GUCY1A2: variants seen among roughly 807,000 people sequenced by gnomAD.
The protein encoded by GUCY1A2 is guanylate cyclase soluble subunit alpha-2.
Under a neutral mutation model 63.5 loss-of-function variants are expected in GUCY1A2, and 27 were observed. The observed-to-expected ratio is 0.43, with a 90% CI of 0.31 to 0.59. The LOEUF is 0.59. Among genes scored for constraint, GUCY1A2 ranks in the 20% least tolerant of loss-of-function variants. The pLI is 0.11. For missense variants in GUCY1A2, 768 were observed against 913.3 expected (o/e 0.84, Z 2.05); for synonymous variants, 364 against 343.5 (o/e 1.06, Z -0.66).
intron 4 of GUCY1A2, among the ~76,000 whole-genome samples, chr11:106,854,552 G>A (rs141810875): frequency 4.0e-4 from 61 of 152,256 alleles, no homozygotes; most frequent in African/African-American, 1.3e-3. Flanking sequence ...CAGGCAAAGC[G>A]GGGTAGTACC....
rs994652758 is a variant in GUCY1A2, at chr11:106,680,610, C to A, written c.*6939G>T. 14 of 196,756 alleles carry A rather than the reference C, an allele frequency of 7.1e-5. No homozygotes were observed. The highest frequency in any genetic ancestry group is 1.4e-4 in the Non-Finnish European group (13 of 95,024). The allele number at this position is 196,756 out of a possible 1,614,324, so 12.2% of individuals were successfully genotyped here. A position where few individuals can be genotyped will look rare whatever the true frequency, so the allele number is the denominator to read the frequency against. ...TAAATATTTTCCATTATTTATTTAA[C>A]CCAAAACCATTCTTACTAAGGATTT... On this transcript the variant is annotated 3_prime_UTR_variant, in exon 8 of 8. Transcript: ENST00000526355.
intron 7 of GUCY1A2, among the ~76,000 whole-genome samples, chr11:106,699,651 A>G (rs918218454): frequency 2.6e-5 from 4 of 152,216 alleles, no homozygotes; most frequent in African/African-American, 7.2e-5. Flanking sequence ...TTCCCTTCAT[A>G]CTAGTTAGGA....
intron 6 of GUCY1A2, among the ~76,000 whole-genome samples, chr11:106,758,345 A>T (rs1378576357): frequency 6.6e-6 from 1 of 152,202 alleles, no homozygotes; most frequent in East Asian, 1.9e-4. Flanking sequence ...TTGCGAACAC[A>T]GTGGGAAAAG....
chr11:106,822,670 C>T (rs1482723823), intron 4 of GUCY1A2, among the ~76,000 whole-genome samples: 1 of 152,110 alleles, frequency 6.6e-6, no homozygotes, highest in South Asian at 2.1e-4. Context: ...TCCAGCTGAA[C>T]AATTTGAATA....
chr11:106,966,900 G>C (rs1337450352), intron 3 of GUCY1A2, among the ~76,000 whole-genome samples: 1 of 152,036 alleles, frequency 6.6e-6, no homozygotes, highest in East Asian at 1.9e-4. Context: ...TAAAATGTAA[G>C]ATTGAGAATA....
At position 106,969,701 on chromosome 11, in the gene GUCY1A2, G is replaced by A. The variant is rs573006006; in HGVS notation, c.487+8918C>T. On this transcript the variant is annotated intron_variant, in intron 3 of 7. Transcript: ENST00000526355. Reference sequence around the variant, plus strand: ...GGCCCACAATCATGTTTCTCACATAGTAAGGGAAGAATAATCTTCCTTCTA... The same window carrying A: ...GGCCCACAATCATGTTTCTCACATAATAAGGGAAGAATAATCTTCCTTCTA... 3.9e-4 allele frequency among the ~76,000 whole-genome samples: 59 copies of A among 152,310 alleles called. 1 individual carries two copies. The South Asian group carries it at 0.012, about 31-fold the overall frequency.
At chr11:106,984,884 C>T (rs1861381855) in intron 2 of GUCY1A2, among the ~76,000 whole-genome samples, 1 of 152,106 alleles carries the variant, frequency 6.6e-6, no homozygotes. Context: ...AAACTAAAAG[C>T]CATCTCATGA....
intron 6 of GUCY1A2, among the ~76,000 whole-genome samples, chr11:106,726,789 TAAC>T (rs1007344543): frequency 2.6e-5 from 4 of 152,152 alleles, no homozygotes; most frequent in African/African-American, 9.7e-5. Flanking sequence ...AAAGGAAAAT[TAAC>T]AAGTTCCCTT....
rs139570395 is a variant in GUCY1A2 at position 106,963,547 on chromosome 11, A to T, written c.487+15072T>A. Among the ~76,000 whole-genome samples, 198 of 152,348 alleles carry T rather than the reference A, an allele frequency of 1.3e-3. 1 individual carries two copies. Among genetic ancestry groups the T allele is most frequent in the African/African-American group, 4.6e-3 (193 of 41,582 alleles). On this transcript the variant is annotated intron_variant, in intron 3 of 7. Transcript: ENST00000526355. ...ATCAATTGCCCTGCAATAGGAGATAAACAGAGTGGGACTACGTTCAGACAC... is the reference window on the plus strand; with the variant it reads ...ATCAATTGCCCTGCAATAGGAGATATACAGAGTGGGACTACGTTCAGACAC...
chr11:106,701,120 T>C (rs1046777962), intron 7 of GUCY1A2, among the ~76,000 whole-genome samples: 2 of 152,118 alleles, frequency 1.3e-5, no homozygotes, highest in African/African-American at 4.8e-5. Flanking sequence ...TTCCTCCAAA[T>C]TGTTTATAAA....
chr11:106,917,591 C>T (rs1372238218), intron 4 of GUCY1A2, among the ~76,000 whole-genome samples: 1 of 144,608 alleles, frequency 6.9e-6, no homozygotes, highest in East Asian at 2.2e-4. Flanking sequence ...GGCACATATA[C>T]ACCATGGAAT....
intron 2 of GUCY1A2, among the ~76,000 whole-genome samples, chr11:106,982,149 G>T (rs553608474): frequency 6.6e-6 from 1 of 152,214 alleles, no homozygotes; most frequent in African/African-American, 2.4e-5. Context: ...ATTATTCATA[G>T]CAAAACCTGA....
intron 3 of GUCY1A2, among the ~76,000 whole-genome samples, chr11:106,946,384 T>C (rs539019865): frequency 6.6e-6 from 1 of 152,106 alleles, no homozygotes; most frequent in South Asian, 2.1e-4. Context: ...AAAAGAAATA[T>C]GATAAATCAA....
chr11:106,821,299 A>G (rs1284762884), intron 4 of GUCY1A2, among the ~76,000 whole-genome samples: 1 of 152,220 alleles, frequency 6.6e-6, no homozygotes, highest in East Asian at 1.9e-4. Flanking sequence ...AGAATATTAA[A>G]TTTATATGCA....
intron 4 of GUCY1A2, among the ~76,000 whole-genome samples, chr11:106,868,360 T>C (rs934675913): frequency 6.6e-6 from 1 of 151,942 alleles, no homozygotes; most frequent in African/African-American, 2.4e-5. Context: ...GAAAACCCCA[T>C]CGTCTCAGCC....
chr11:106,684,361 C>G lies in GUCY1A2; in HGVS notation c.*3188G>C, dbSNP rs978954059. 2.6e-5 allele frequency: 5 copies of G among 190,770 alleles called. No homozygotes were observed. Among genetic ancestry groups the G allele is most frequent in the Admixed American group, 6.2e-5 (1 of 16,190 alleles). 11.8% of individuals were successfully genotyped at this position (190,770 alleles called of 1,614,324 possible). ...TGTACGCAATTGGGTCCCATGTTAC[C>G]TGGAAGCTATGTCTTCTTCCCCTTC... On this transcript the variant is annotated 3_prime_UTR_variant, in exon 8 of 8. Transcript: ENST00000526355.
chr11:106,955,238 T>C (rs374366170), intron 3 of GUCY1A2, among the ~76,000 whole-genome samples: 26 of 152,160 alleles, frequency 1.7e-4, no homozygotes, highest in African/African-American at 4.6e-4. Flanking sequence ...TCCCAAAGTG[T>C]TGGGATTACA....
intron 5 of GUCY1A2, among the ~76,000 whole-genome samples, chr11:106,779,281 A>C (rs1430383296): frequency 1.3e-5 from 2 of 152,212 alleles, no homozygotes; most frequent in African/African-American, 4.8e-5. Flanking sequence ...GAGTTGGCAA[A>C]AGTTTTATTC....
chr11:106,904,431 G>C (rs2119838342), intron 4 of GUCY1A2, among the ~76,000 whole-genome samples: 1 of 152,146 alleles, frequency 6.6e-6, no homozygotes, highest in East Asian at 1.9e-4. Flanking sequence ...TACTGTGTTA[G>C]TAAACATCTA....
Sources: allele counts gnomAD v4.1 joint callset (sites outside exome capture counted in the v4.1 genomes callset), GRCh38; gene constraint gnomAD v4.1.1; transcripts MANE v1.5; gene names NCBI Gene and HGNC (gene_info 2026-07-23, HGNC 2026-07-21).